Variants in ZNF326 observed in about 807,000 individuals in gnomAD.
ZNF326 encodes the protein DBIRD complex subunit ZNF326.
In ZNF326, 30 loss-of-function variants were observed where a neutral mutation model predicts 63.1. The ratio of observed to expected loss-of-function variants is 0.48; its 90% CI spans 0.36 to 0.64. The LOEUF (loss-of-function observed/expected upper bound fraction) is 0.64. Among genes scored for constraint, ZNF326 ranks in the 30% least tolerant of loss-of-function variants. The pLI, the probability that ZNF326 is intolerant of heterozygous loss-of-function variation, is 0.00. For synonymous variants in ZNF326, 194 were observed against 228.2 expected (o/e 0.85, Z 1.35); for missense variants, 609 against 720.3 (o/e 0.85, Z 1.77).
chr1:90,010,206 T>TTAA lies in ZNF326; in HGVS notation c.738_740dup (p.Asn246dup). 1 of 1,613,892 alleles carries TTAA rather than the reference T, an allele frequency of 6.2e-7. No individual in the cohort carries two copies. Among genetic ancestry groups the TTAA allele is most frequent in the Non-Finnish European group, 8.5e-7 (1 of 1,179,858 alleles). On this transcript the variant is annotated inframe_insertion, in exon 6 of 12. Transcript: ENST00000340281. The stretch of plus-strand genomic sequence containing the variant: ...ATAAAGAGAAAAATGATGCAGCCAT[T>TTAA]TAATAAGCCCAGTGGAACCTTTATC...
chr1:90,027,359 G>T lies in ZNF326; in HGVS notation c.1407G>T (p.Glu469Asp). ...GCCATTTCTTATGTTTTTAGGGTGA[G>T]AATCCTTTTGAAATTCAAGACCATT... ...KARYERFVKGENPFEIQDHSQ... is the reference protein window; with the variant it reads ...KARYERFVKGDNPFEIQDHSQ... Residue 469 changes from glutamate to aspartate, a missense_variant, in exon 12 of 12, where the codon GAG (glutamate) becomes GAT (aspartate). Physicochemically the swap from Glu to Asp is conservative, Grantham distance 45 (BLOSUM62 2). Coordinates refer to ENST00000340281, the MANE Select transcript of ZNF326 (RefSeq NM_182976.4). The T allele has an allele frequency of 6.2e-7, 1 of 1,613,364 alleles. No individual in the cohort carries two copies. The highest frequency in any genetic ancestry group is 1.3e-5 in the African/African-American group (1 of 74,982).
intron 11 of ZNF326, among the ~76,000 whole-genome samples, chr1:90,027,071 G>GTA (rs1650045982): frequency 6.6e-6 from 1 of 151,704 alleles, no homozygotes; most frequent in South Asian, 2.1e-4. Context: ...ATATATGTGT[G>GTA]TGTGTGTGTG....
rs2101101362 is a variant in ZNF326, at chr1:90,027,779, A to C, written c.*78A>C. 2 of 1,375,984 alleles carry C rather than the reference A, an allele frequency of 1.5e-6. No individual in the cohort carries two copies. Among genetic ancestry groups the C allele is most frequent in the East Asian group, 4.6e-5 (2 of 43,642 alleles). 85.2% of individuals were successfully genotyped at this position (1,375,984 alleles called of 1,614,324 possible). ...AAGGGTAAGAAATTTAATAGCTTAAAATATGAATTAACACCCATGTTGCAT... is the reference window on the plus strand; with the variant it reads ...AAGGGTAAGAAATTTAATAGCTTAACATATGAATTAACACCCATGTTGCAT... On this transcript the variant is annotated 3_prime_UTR_variant, in exon 12 of 12. Coordinates refer to ENST00000340281, the MANE Select transcript of ZNF326 (RefSeq NM_182976.4).
At chr1:90,012,618 T>A (rs1649304960) in intron 6 of ZNF326, among the ~76,000 whole-genome samples, 3 of 152,158 alleles carry the variant, frequency 2.0e-5, no homozygotes, top group African/African-American at 7.2e-5. Context: ...ATAGAGAATA[T>A]TTTTTAAAAA....
Position 90,005,154 on chromosome 1 carries a change from A to T in ZNF326, c.119A>T (p.His40Leu). The change falls in exon 4 of 12, where the codon CAT becomes CTT. Residue 40 changes from histidine to leucine, a missense_variant. His to Leu is a moderately conservative substitution (Grantham distance 99). Coordinates refer to ENST00000340281, the MANE Select transcript of ZNF326 (RefSeq NM_182976.4). ...SYGGMDRDYG[H>L]GSYGGQRSMD... ...ATAGGGATGGATCGTGACTATGGCC[A>T]TGGATCCTATGGGGGTCAGAGATCC... The T allele has an allele frequency of 6.2e-7, 1 of 1,614,054 alleles. No homozygotes were observed. Among genetic ancestry groups the T allele is most frequent in the Admixed American group, 1.7e-5 (1 of 60,008 alleles).
chr1:89,995,324 C>G, intron 1 of ZNF326, 51 bp downstream of exon 1: 1 of 1,527,608 alleles, frequency 6.5e-7, no homozygotes, highest in Non-Finnish European at 8.8e-7. Context: ...GCGGGGTGGC[C>G]TACGCAGGGG....
intron 2 of ZNF326, among the ~76,000 whole-genome samples, chr1:90,001,242 G>A (rs1210516630): frequency 1.3e-5 from 2 of 152,084 alleles, no homozygotes; most frequent in Non-Finnish European, 2.9e-5. Flanking sequence ...AAGAACCACT[G>A]GTATAGGTTC....
At chr1:90,005,892 G>A (rs985436257) in intron 4 of ZNF326, 1 of 985,390 alleles carries the variant, frequency 1.0e-6, no homozygotes, top group Non-Finnish European at 1.2e-6. Flanking sequence ...AGTCGAGATT[G>A]TATTTATATT....
Position 90,020,764 on chromosome 1 carries a change from T to A in ZNF326, c.1175-28T>A. The A allele has an allele frequency of 1.9e-6, 3 of 1,587,596 alleles. No individual in the cohort carries two copies. In the South Asian group the frequency reaches 3.5e-5, roughly 18 times the overall value. On this transcript the variant is annotated intron_variant, in intron 9 of 11. Coordinates refer to ENST00000340281, the MANE Select transcript of ZNF326 (RefSeq NM_182976.4). ...TGGTCAGAAATAACATATGAATTAT[T>A]TCTTTAATAATTGGATGTCTTTTGT...
At chr1:90,011,992 A>G (rs1378869974) in intron 6 of ZNF326, among the ~76,000 whole-genome samples, 1 of 152,040 alleles carries the variant, frequency 6.6e-6, no homozygotes, top group Non-Finnish European at 1.5e-5. Flanking sequence ...GTGCACCACC[A>G]CGCCCAGCTA....
At position 90,007,178 on chromosome 1, in the gene ZNF326, G is replaced by A. The variant is rs1034593735; in HGVS notation, c.210-167G>A. ...CAGATAGCTTTCTATCTGGTCTCAC[G>A]TTGAACTGCCCAGCCCTAATCAAAT... On this transcript the variant is annotated intron_variant, in intron 4 of 11. Coordinates refer to ENST00000340281, the MANE Select transcript of ZNF326 (RefSeq NM_182976.4). This position sits in a 1 kb window ranked among gnomAD's most constrained non-coding sequence, Gnocchi z 4.9. Among the ~76,000 whole-genome samples the A allele has an allele frequency of 2.0e-5, 3 of 152,148 alleles. No individual in the cohort carries two copies. The highest frequency in any genetic ancestry group is 4.4e-5 in the Non-Finnish European group (3 of 68,022).
chr1:90,025,492 C>T lies in ZNF326; in HGVS notation c.1402-1862C>T, dbSNP rs569725038. On this transcript the variant is annotated intron_variant, in intron 11 of 11. Transcript: ENST00000340281. The stretch of plus-strand genomic sequence containing the variant: ...TAAATATGCAAGTTACTGAGCGTCT[C>T]CCCTGGAAATTTTGATTCAGGCAGT... Among the ~76,000 whole-genome samples, 4 of 152,226 alleles carry T rather than the reference C, an allele frequency of 2.6e-5. No individual in the cohort carries two copies. The East Asian group carries it at 7.7e-4, about 29-fold the overall frequency.
At chr1:90,005,919 A>G (rs1648963716) in intron 4 of ZNF326, 1 of 985,344 alleles carries the variant, frequency 1.0e-6, no homozygotes, top group Admixed American at 6.1e-5. Context: ...TTACTACTGT[A>G]TAAAGCTTAA....
chr1:90,014,158 A>C (rs1649385709), intron 7 of ZNF326, among the ~76,000 whole-genome samples: 1 of 152,148 alleles, frequency 6.6e-6, no homozygotes. Context: ...AATGTAGTAA[A>C]AAAAAAATGA....
intron 7 of ZNF326, 132 bp downstream of exon 7, chr1:90,013,369 C>A: frequency 1.4e-6 from 1 of 696,208 alleles, no homozygotes; most frequent in Non-Finnish European, 2.1e-6. Context: ...CAGAGGAATG[C>A]TTTTGGTTTT....
At position 90,027,905 on chromosome 1, in the gene ZNF326, C is replaced by T; in HGVS notation, c.*204C>T. On this transcript the variant is annotated 3_prime_UTR_variant, in exon 12 of 12. Transcript: ENST00000340281. ...TATTTTAGTTTAGTTTTTATAGCTA[C>T]CAGACTTAGATCCGATAAATTGTTT... The T allele has an allele frequency of 1.8e-6, 1 of 559,606 alleles. No homozygotes were observed. Among genetic ancestry groups the T allele is most frequent in the East Asian group, 3.1e-5 (1 of 32,340 alleles). The allele number at this position is 559,606 out of a possible 1,614,324, so 34.7% of individuals were successfully genotyped here. A position where few individuals can be genotyped will look rare whatever the true frequency, so the allele number is the denominator to read the frequency against.
In ZNF326 at chr1:90,020,851, G is replaced by A. The variant is rs774747789; in HGVS notation, c.1234G>A (p.Val412Ile). The change falls in exon 10 of 12, where the codon GTT (valine) becomes ATT (isoleucine). Residue 412 changes from valine to isoleucine, a missense_variant. By Grantham distance (29) the Val-to-Ile change is conservative. Coordinates refer to ENST00000340281, the MANE Select transcript of ZNF326 (RefSeq NM_182976.4). Reference protein sequence around the residue: ...VETVHCSACSVYIPALHSSVQ... With the variant: ...VETVHCSACSIYIPALHSSVQ... ...GACAGTTCATTGCAGCGCTTGCAGT[G>A]TTTATATCCCTGCTTTACATAGTTC... 2 of 1,613,222 alleles carry A rather than the reference G, an allele frequency of 1.2e-6. No individual in the cohort carries two copies. The highest frequency in any genetic ancestry group is 1.1e-5 in the South Asian group (1 of 91,026).
At chr1:90,025,213 C>G (rs1649959386) in intron 11 of ZNF326, among the ~76,000 whole-genome samples, 1 of 152,138 alleles carries the variant, frequency 6.6e-6, no homozygotes, top group Admixed American at 6.5e-5. Context: ...ACCCGTGAGG[C>G]TAAGATAAAC....
chr1:90,014,549 G>C (rs1220474051), intron 7 of ZNF326, among the ~76,000 whole-genome samples: 1 of 152,142 alleles, frequency 6.6e-6, no homozygotes, highest in Non-Finnish European at 1.5e-5. Context: ...GTCAAAGGAC[G>C]CTTAAAATTT....
Sources: allele counts gnomAD v4.1 joint callset (sites outside exome capture counted in the v4.1 genomes callset), GRCh38; gene constraint gnomAD v4.1.1; non-coding constraint Gnocchi (gnomAD v3.1); transcripts MANE v1.5; gene names NCBI Gene and HGNC (gene_info 2026-07-23, HGNC 2026-07-21).